ACAA1: variants seen among roughly 807,000 people sequenced by gnomAD.
ACAA1 encodes acetyl-CoA acyltransferase 1.
Under a neutral mutation model 48.8 loss-of-function variants are expected in ACAA1, and 44 were observed. That is an observed-to-expected ratio of 0.90 (90% CI 0.71 to 1.16). The LOEUF (loss-of-function observed/expected upper bound fraction) is 1.16, where lower values mean the gene tolerates loss of function less well. Ranked by LOEUF, ACAA1 falls within the 50% of genes most tolerant of loss-of-function variation. The pLI, the probability that ACAA1 is intolerant of heterozygous loss-of-function variation, is 0.00. For synonymous variants in ACAA1, 233 were observed against 226.5 expected (o/e 1.03, Z -0.26); for missense variants, 512 against 562.3 (o/e 0.91, Z 0.90).
At chr3:38,133,745 T>C (rs1201538103) in intron 3 of ACAA1, 1 of 591,538 alleles carries the variant, frequency 1.7e-6, no homozygotes, top group Non-Finnish European at 3.1e-6. Context: ...GAACTTCTGC[T>C]CCAGTCCCAA....
rs1198746850 is a variant in ACAA1 at position 38,136,684 on chromosome 3, T to C, written c.173A>G (p.Asp58Gly). 1.2e-6 allele frequency: 2 copies of C among 1,609,566 alleles called. No homozygotes were observed. The highest frequency in any genetic ancestry group is 2.7e-5 in the African/African-American group (2 of 74,802). ...CGAGAGAAGCTCGTCGGGGGTGGTG[T>C]CCTGCAGCAGAAAGAGCAGCCGCAG... ...ICRAGRGGFKDTTPDELLSAV... is the reference protein window; with the variant it reads ...ICRAGRGGFKGTTPDELLSAV... The change falls in exon 2 of 12, where the codon GAC (aspartate) becomes GGC (glycine). Residue 58 changes from aspartate to glycine, a missense_variant and splice_region_variant. Asp to Gly is a moderately conservative substitution (Grantham distance 94). Coordinates refer to ENST00000333167, the MANE Select transcript of ACAA1 (RefSeq NM_001607.4).
Position 38,122,950 on chromosome 3 carries a change from G to T in ACAA1, c.*97C>A. 7.9e-7 allele frequency: 1 copy of T among 1,260,792 alleles called. No homozygotes were observed. Among genetic ancestry groups the T allele is most frequent in the Non-Finnish European group, 1.1e-6 (1 of 871,326 alleles). 78.1% of individuals were successfully genotyped at this position (1,260,792 alleles called of 1,614,324 possible). On this transcript the variant is annotated 3_prime_UTR_variant, in exon 12 of 12. Transcript: ENST00000333167. ...TCTGTCCACTGCCACCACCACCAGT[G>T]CTGAGTTTTCCCATGTGGTTTTGCT...
rs1424231627 is a variant in ACAA1, at chr3:38,126,603, C to T, written c.724G>A (p.Val242Met). The T allele has an allele frequency of 2.5e-6, 4 of 1,614,218 alleles. No homozygotes were observed. Among genetic ancestry groups the T allele is most frequent in the Non-Finnish European group, 8.5e-7 (1 of 1,180,032 alleles). The change falls in exon 8 of 12, where the codon GTG (valine) becomes ATG (methionine). Residue 242 changes from valine to methionine, a missense_variant. By Grantham distance (21) the Val-to-Met change is conservative. Coordinates refer to ENST00000333167, the MANE Select transcript of ACAA1 (RefSeq NM_001607.4). The surrounding 1 kb of genome is among the most constrained non-coding windows in gnomAD (Gnocchi z 4.7). ...DDKGTKRSITVTQDEGIRPST... is the reference protein window; with the variant it reads ...DDKGTKRSITMTQDEGIRPST... ...GGGCGGATACCCTCATCCTGGGTCACAGTGATGCTCCTCTTGGTGCCCTTG... is the reference window on the plus strand; with the variant it reads ...GGGCGGATACCCTCATCCTGGGTCATAGTGATGCTCCTCTTGGTGCCCTTG...
At position 38,134,404 on chromosome 3, in the gene ACAA1, C is replaced by G. The variant is rs112046137; in HGVS notation, c.266-395G>C. 5.3e-4 allele frequency: 229 copies of G among 428,424 alleles called. 1 individual carries two copies. The highest frequency in any genetic ancestry group is 2.7e-3 in the African/African-American group (134 of 49,660). The allele number at this position is 428,424 out of a possible 1,614,324, so 26.5% of individuals were successfully genotyped here. A position where few individuals can be genotyped will look rare whatever the true frequency, so the allele number is the denominator to read the frequency against. On this transcript the variant is annotated intron_variant, in intron 2 of 11. Coordinates refer to ENST00000333167, the MANE Select transcript of ACAA1 (RefSeq NM_001607.4). ...TGATTGCCGACCTAGGGGTGGCATC[C>G]GCTGGATAAGACTCTTGCCATATCA...
At chr3:38,132,996 AAATG>A (rs1700818038) in intron 3 of ACAA1, among the ~76,000 whole-genome samples, 1 of 152,226 alleles carries the variant, frequency 6.6e-6, no homozygotes, top group Admixed American at 6.5e-5. Flanking sequence ...AACACACAGA[AAATG>A]AATCAACTAT....
intron 5 of ACAA1, 140 bp downstream of exon 5, chr3:38,131,456 C>T: frequency 1.2e-6 from 1 of 816,826 alleles, no homozygotes; most frequent in Non-Finnish European, 2.1e-6. Context: ...TCTTAACCTG[C>T]ATTTGTGAGA....
chr3:38,131,846 T>C lies in ACAA1; in HGVS notation c.403+80A>G. ...TTAGAGTCCTCAGAAATGGTAATTA[T>C]TGCTTGCCCGGCAGACAGCGACTTT... On this transcript the variant is annotated intron_variant, in intron 4 of 11. Coordinates refer to ENST00000333167, the MANE Select transcript of ACAA1 (RefSeq NM_001607.4). The C allele has an allele frequency of 7.1e-7, 1 of 1,415,652 alleles. No individual in the cohort carries two copies. The highest frequency in any genetic ancestry group is 1.2e-5 in the South Asian group (1 of 85,588). The allele number at this position is 1,415,652 out of a possible 1,614,324, so 87.7% of individuals were successfully genotyped here.
At chr3:38,134,496 A>C (rs1474488181) in intron 2 of ACAA1, 1 of 457,660 alleles carries the variant, frequency 2.2e-6, no homozygotes, top group Admixed American at 2.3e-5. Flanking sequence ...GAAAAGAAAG[A>C]TCAGATTGTT....
In ACAA1 at chr3:38,123,105, G is replaced by A. The variant is rs1195598671; in HGVS notation, c.1217C>T (p.Ser406Phe). ...TCCCATTCCAGTCCCGATGCACATG[G>A]ACACCACTCCGTATGCCCTGTGAAA... ...RRGKRAYGVV[S>F]MCIGTGMGAA... The change falls in exon 12 of 12, where the codon TCC becomes TTC. Residue 406 changes from serine to phenylalanine, a missense_variant. Coordinates refer to ENST00000333167, the MANE Select transcript of ACAA1 (RefSeq NM_001607.4). The A allele has an allele frequency of 2.5e-6, 4 of 1,614,170 alleles. No homozygotes were observed. Among genetic ancestry groups the A allele is most frequent in the Non-Finnish European group, 3.4e-6 (4 of 1,180,036 alleles).
intron 6 of ACAA1, 120 bp from the exon 7 acceptor site, chr3:38,127,986 G>A: frequency 1.1e-6 from 1 of 900,582 alleles, no homozygotes; most frequent in South Asian, 1.4e-5. Context: ...CAGGATGTAA[G>A]GGCCAGTCCA....
Position 38,127,551 on chromosome 3 carries a change from G to A in ACAA1, c.626+235C>T. The A allele has an allele frequency of 7.0e-6, 4 of 567,502 alleles. 1 individual carries two copies. Among genetic ancestry groups the A allele is most frequent in the South Asian group, 6.1e-5 (3 of 49,580 alleles). The allele number at this position is 567,502 out of a possible 1,614,324, so 35.2% of individuals were successfully genotyped here. ...CCAGAAAATAACAGAGGGGGAAACT[G>A]AGGCCTAGCTAGGGCAAAGTCAGGG... On this transcript the variant is annotated intron_variant, in intron 7 of 11. Coordinates refer to ENST00000333167, the MANE Select transcript of ACAA1 (RefSeq NM_001607.4).
At chr3:38,135,327 A>ATAC (rs1700869003) in intron 2 of ACAA1, 1 of 152,242 alleles carries the variant, frequency 6.6e-6, no homozygotes. Context: ...GACAAAGTAT[A>ATAC]GAGGAAGAAA....
chr3:38,127,902 C>A, intron 6 of ACAA1, 36 bp from the exon 7 acceptor site: 3 of 1,609,704 alleles, frequency 1.9e-6, no homozygotes, highest in South Asian at 1.1e-5. Context: ...GGGCATTGGT[C>A]TGACAGCCTA....
intron 6 of ACAA1, among the ~76,000 whole-genome samples, chr3:38,128,921 A>G (rs1700732887): frequency 6.6e-6 from 1 of 152,140 alleles, no homozygotes; most frequent in Admixed American, 6.5e-5. Context: ...GTTGCACCTG[A>G]CAGGGCCCAA....
At chr3:38,134,129 G>A in intron 2 of ACAA1, 120 bp from the exon 3 acceptor site, 1 of 957,754 alleles carries the variant, frequency 1.0e-6, no homozygotes, top group Non-Finnish European at 1.6e-6. Flanking sequence ...CCCTTGGCAG[G>A]CTCACTTGCA....
chr3:38,127,426 G>A (rs1171133096), intron 7 of ACAA1, among the ~76,000 whole-genome samples: 5 of 152,254 alleles, frequency 3.3e-5, no homozygotes, highest in African/African-American at 1.2e-4. Context: ...GCCTCAGGAT[G>A]CTGCCACAGA....
intron 4 of ACAA1, 33 bp downstream of exon 4, chr3:38,131,893 C>G (rs77229058): frequency 1.9e-6 from 3 of 1,595,730 alleles, no homozygotes; most frequent in Admixed American, 1.7e-5. Flanking sequence ...CCCACAGGTC[C>G]AGGACCAAGG....
intron 11 of ACAA1, chr3:38,123,341 G>A (rs1700583663): frequency 5.3e-6 from 3 of 561,246 alleles, no homozygotes; most frequent in Non-Finnish European, 9.6e-6. Context: ...AGGAAAACAG[G>A]GATCATGCCC....
rs200744998 is a variant in ACAA1 at position 38,125,791 on chromosome 3, C to T, written c.1053+35G>A. ...GCCCGCTCACTCCACCTCGGCTGTCCAGGGCAAAGGCAACATTGAGAAACA... is the reference window on the plus strand; with the variant it reads ...GCCCGCTCACTCCACCTCGGCTGTCTAGGGCAAAGGCAACATTGAGAAACA... On this transcript the variant is annotated intron_variant, in intron 10 of 11. Transcript: ENST00000333167. 3.8e-5 allele frequency: 61 copies of T among 1,614,168 alleles called. No homozygotes were observed. The African/African-American group carries it at 6.0e-4, about 16-fold the overall frequency.
Sources: allele counts gnomAD v4.1 joint callset (sites outside exome capture counted in the v4.1 genomes callset), GRCh38; gene constraint gnomAD v4.1.1; non-coding constraint Gnocchi (gnomAD v3.1); transcripts MANE v1.5; gene names NCBI Gene and HGNC (gene_info 2026-07-23, HGNC 2026-07-21).